CSMD1: variants seen among roughly 807,000 people sequenced by gnomAD.
CSMD1 encodes CUB and Sushi multiple domains 1.
Under a neutral mutation model 417.5 loss-of-function variants are expected in CSMD1, and 213 were observed. The observed-to-expected ratio is 0.51, with a 90% CI of 0.46 to 0.57. The LOEUF (loss-of-function observed/expected upper bound fraction) is 0.57. Ranked by LOEUF, CSMD1 falls within the 20% of genes least tolerant of loss-of-function variation. The probability of loss-of-function intolerance (pLI) is 0.00; values close to 1 mark genes in which losing one functional copy is unlikely to be tolerated. For synonymous variants in CSMD1, 2,862 were observed against 1,736.8 expected, an observed-to-expected ratio of 1.65 and a Z score of -16.11; for missense variants, 6,923 against 4,529.7, an observed-to-expected ratio of 1.53 and a Z score of -15.17.
chr8:3,749,426 C>T (rs1797214643), intron 6 of CSMD1, among the ~76,000 whole-genome samples: 1 of 152,120 alleles, frequency 6.6e-6, no homozygotes, highest in Non-Finnish European at 1.5e-5. Context: ...AACCTTACTA[C>T]TGCTTCTGAC....
intron 3 of CSMD1, among the ~76,000 whole-genome samples, chr8:4,081,004 C>A (rs368487472): frequency 6.6e-6 from 1 of 152,130 alleles, no homozygotes; most frequent in Non-Finnish European, 1.5e-5. Context: ...GTATTCATCC[C>A]CTTTTCGCCT....
At chr8:3,888,463 G>C (rs902730599) in intron 5 of CSMD1, among the ~76,000 whole-genome samples, 1 of 152,160 alleles carries the variant, frequency 6.6e-6, no homozygotes, top group South Asian at 2.1e-4. Flanking sequence ...TTAAAAAGAA[G>C]CGCCATTTAG....
intron 3 of CSMD1, among the ~76,000 whole-genome samples, chr8:4,274,655 A>G (rs985925517): frequency 2.0e-5 from 3 of 152,268 alleles, no homozygotes; most frequent in Non-Finnish European, 2.9e-5. Flanking sequence ...TCTCCATTAA[A>G]TTTACTTAAA....
intron 5 of CSMD1, among the ~76,000 whole-genome samples, chr8:3,934,044 C>T (rs1810322467): frequency 6.6e-6 from 1 of 151,176 alleles, no homozygotes; most frequent in East Asian, 2.0e-4. Flanking sequence ...AGCCACTCTG[C>T]TCTACACTGA....
chr8:3,141,112 G>T (rs946510229), intron 41 of CSMD1, among the ~76,000 whole-genome samples: 1 of 152,160 alleles, frequency 6.6e-6, no homozygotes, highest in Non-Finnish European at 1.5e-5. Context: ...TGACAAATGG[G>T]AAAGCTACAT....
At chr8:3,310,047 C>G (rs1379805867) in intron 23 of CSMD1, among the ~76,000 whole-genome samples, 2 of 152,140 alleles carry the variant, frequency 1.3e-5, no homozygotes, top group African/African-American at 4.8e-5. Flanking sequence ...AATTCAAGAA[C>G]AGAAGAGTGT....
intron 12 of CSMD1, among the ~76,000 whole-genome samples, chr8:3,459,816 G>C (rs955592560): frequency 1.3e-5 from 2 of 152,100 alleles, no homozygotes; most frequent in Non-Finnish European, 2.9e-5. Flanking sequence ...AGTCTGTGTT[G>C]ACTCATTGGC....
At chr8:3,635,588 A>G (rs1351579771) in intron 7 of CSMD1, among the ~76,000 whole-genome samples, 1 of 149,224 alleles carries the variant, frequency 6.7e-6, no homozygotes, top group African/African-American at 2.5e-5. Flanking sequence ...GGTTCACGCC[A>G]TTCTCCTGCG....
chr8:4,190,641 T>C (rs181561714), intron 3 of CSMD1, among the ~76,000 whole-genome samples: 3 of 152,182 alleles, frequency 2.0e-5, no homozygotes, highest in Admixed American at 6.5e-5. Context: ...AATATTAGTG[T>C]TGTAATGAGA....
intron 3 of CSMD1, among the ~76,000 whole-genome samples, chr8:4,208,122 G>A (rs1473448265): frequency 6.7e-6 from 1 of 149,776 alleles, no homozygotes; most frequent in African/African-American, 2.4e-5. Flanking sequence ...TCATACACAT[G>A]ATGATTTTCT....
chr8:4,656,628 G>C (rs1333653565), intron 1 of CSMD1, among the ~76,000 whole-genome samples: 2 of 151,438 alleles, frequency 1.3e-5, no homozygotes, highest in African/African-American at 2.5e-5. Context: ...CAAAGGTGGT[G>C]ACTAATTTTA....
At chr8:3,856,970 T>G (rs955072453) in intron 5 of CSMD1, among the ~76,000 whole-genome samples, 1 of 151,464 alleles carries the variant, frequency 6.6e-6, no homozygotes, top group Admixed American at 6.7e-5. Flanking sequence ...CAAGTAGAAT[T>G]TGGAATTTTT....
Position 3,036,000 on chromosome 8 carries a change from G to A in CSMD1, c.7661-6487C>T, listed in dbSNP as rs78744380. On this transcript the variant is annotated intron_variant, in intron 50 of 69. Coordinates refer to ENST00000635120, the MANE Select transcript of CSMD1 (RefSeq NM_033225.6). The stretch of plus-strand genomic sequence containing the variant: ...TACCATTGACTATGTTGATATGGTT[G>A]ACACATTTTTGTTCTAAAAACCTTA... Among the ~76,000 whole-genome samples the A allele has an allele frequency of 2.2e-3, 340 of 152,218 alleles. 6 individuals carry two copies. In the East Asian group the frequency reaches 0.058, roughly 26 times the overall value.
chr8:4,333,688 T>A (rs1038703962), intron 3 of CSMD1, among the ~76,000 whole-genome samples: 2 of 152,092 alleles, frequency 1.3e-5, no homozygotes, highest in Non-Finnish European at 2.9e-5. Flanking sequence ...TACGATACCA[T>A]TTAATGAGAA....
chr8:4,908,687 A>T (rs1022105600), intron 1 of CSMD1, among the ~76,000 whole-genome samples: 2 of 150,844 alleles, frequency 1.3e-5, no homozygotes, highest in Non-Finnish European at 3.0e-5. Context: ...TCAGTCTAGC[A>T]ATGAGTCCAT....
chr8:4,359,077 G>A (rs1259149517), intron 3 of CSMD1, among the ~76,000 whole-genome samples: 2 of 152,058 alleles, frequency 1.3e-5, no homozygotes, highest in East Asian at 1.9e-4. Context: ...AAGTATTCCA[G>A]TTACACATAG....
intron 50 of CSMD1, among the ~76,000 whole-genome samples, chr8:3,039,985 T>A (rs1202587432): frequency 6.6e-6 from 1 of 152,090 alleles, no homozygotes; most frequent in Non-Finnish European, 1.5e-5. Context: ...TCCAAGCAGG[T>A]TTCACTGAGA....
intron 50 of CSMD1, among the ~76,000 whole-genome samples, chr8:3,041,069 T>A (rs1167186767): frequency 1.3e-5 from 2 of 152,166 alleles, no homozygotes; most frequent in African/African-American, 2.4e-5. Flanking sequence ...GAAATAATAA[T>A]TTTCTTAACC....
chr8:3,708,886 A>G (rs565498224), intron 6 of CSMD1, among the ~76,000 whole-genome samples: 3 of 152,284 alleles, frequency 2.0e-5, no homozygotes, highest in Admixed American at 1.3e-4. Flanking sequence ...ATCATGAAAA[A>G]AAGTTTAGAT....
Sources: allele counts gnomAD v4.1 joint callset (sites outside exome capture counted in the v4.1 genomes callset), GRCh38; gene constraint gnomAD v4.1.1; transcripts MANE v1.5; gene names NCBI Gene and HGNC (gene_info 2026-07-23, HGNC 2026-07-21).